SH2D5: variants seen among roughly 807,000 people sequenced by gnomAD.
SH2D5 encodes the protein SH2 domain-containing protein 5.
In SH2D5, 45 loss-of-function variants were observed where a neutral mutation model predicts 48.2. The observed-to-expected ratio is 0.93, with a 90% CI of 0.73 to 1.20. SH2D5 has a LOEUF of 1.20. SH2D5 is among the 50% of genes most tolerant of loss of function. The probability of loss-of-function intolerance (pLI) is 0.00; values close to 1 mark genes in which losing one functional copy is unlikely to be tolerated. For missense variants in SH2D5, 538 were observed against 584.1 expected, an observed-to-expected ratio of 0.92 and a Z score of 0.81; for synonymous variants, 230 against 249.8, an observed-to-expected ratio of 0.92 and a Z score of 0.75.
rs772382659 is a variant in SH2D5, at chr1:20,726,022, G to A, written c.288C>T (p.Thr96=). The change falls in exon 5 of 10, where the codon ACC becomes ACT. Residue 96 remains threonine (T), a synonymous_variant. Coordinates refer to ENST00000444387, the MANE Select transcript of SH2D5 (RefSeq NM_001103161.2). ...AHALRRILYS[T]WCPADCQFAF... The stretch of plus-strand genomic sequence containing the variant: ...CAAACTGGCAGTCGGCAGGGCACCA[G>A]GTGGAGTAGAGTATGCGCCTCAGGG... 3.7e-6 allele frequency: 6 copies of A among 1,611,676 alleles called. No individual in the cohort carries two copies. Among genetic ancestry groups the A allele is most frequent in the Non-Finnish European group, 1.7e-6 (2 of 1,179,288 alleles).
chr1:20,723,745 C>T lies in SH2D5; in HGVS notation c.800-11G>A, dbSNP rs1200109724. On this transcript the variant is annotated splice_polypyrimidine_tract_variant and intron_variant, in intron 7 of 9. Coordinates refer to ENST00000444387, the MANE Select transcript of SH2D5 (RefSeq NM_001103161.2). ...CCCATGCGGCAGGAACTGTGGAGAC[C>T]ATCCAGGAGTCAGAAGGAGAGTGGC... The T allele has an allele frequency of 6.2e-7, 1 of 1,607,368 alleles. No homozygotes were observed. The highest frequency in any genetic ancestry group is 8.5e-7 in the Non-Finnish European group (1 of 1,175,572).
At chr1:20,723,818 T>A (rs2054738374) in intron 7 of SH2D5, 84 bp from the exon 8 acceptor site, 2 of 1,196,928 alleles carry the variant, frequency 1.7e-6, no homozygotes, top group Non-Finnish European at 2.4e-6. Flanking sequence ...CCCAGGGTGG[T>A]GTCCTCCCCA....
chr1:20,723,781 C>T (rs757356999), intron 7 of SH2D5, 47 bp from the exon 8 acceptor site: 6 of 1,499,026 alleles, frequency 4.0e-6, no homozygotes, highest in African/African-American at 1.4e-5. Flanking sequence ...CGAGCCCTCC[C>T]ATTCCCTGCG....
intron 8 of SH2D5, 44 bp downstream of exon 8, chr1:20,723,582 C>T: frequency 6.7e-7 from 1 of 1,496,210 alleles, no homozygotes; most frequent in African/African-American, 1.4e-5. Flanking sequence ...TTTCTCTGCC[C>T]ACCCCAAGGG....
intron 7 of SH2D5, among the ~76,000 whole-genome samples, 160 bp from the exon 8 acceptor site, chr1:20,723,894 T>C (rs532617874): frequency 6.6e-6 from 1 of 152,330 alleles, no homozygotes; most frequent in South Asian, 2.1e-4. Context: ...TTCTGGTCCA[T>C]ACACGGCTGT....
At chr1:20,730,364 C>T (rs2054885602) in intron 1 of SH2D5, among the ~76,000 whole-genome samples, 1 of 151,054 alleles carries the variant, frequency 6.6e-6, no homozygotes, top group Non-Finnish European at 1.5e-5. Context: ...AGGAGCCGTG[C>T]GGGCATCTCA....
At position 20,729,340 on chromosome 1, in the gene SH2D5, C is replaced by T. The variant is rs1196243201; in HGVS notation, c.-42-1254G>A. Among the ~76,000 whole-genome samples, 3 of 152,214 alleles carry T rather than the reference C, an allele frequency of 2.0e-5. No individual in the cohort carries two copies. Reference sequence around the variant, plus strand: ...CTGGCTGGCTTCACTCACCAGCCTGCTTGTCATCACTGACTTGGGATCAGA... The same window carrying T: ...CTGGCTGGCTTCACTCACCAGCCTGTTTGTCATCACTGACTTGGGATCAGA... On this transcript the variant is annotated intron_variant, in intron 1 of 9. Coordinates refer to ENST00000444387, the MANE Select transcript of SH2D5 (RefSeq NM_001103161.2). This position sits in a 1 kb window ranked among gnomAD's most constrained non-coding sequence, Gnocchi z 4.2.
At chr1:20,727,152 A>G in intron 3 of SH2D5, 77 bp from the exon 4 acceptor site, 2 of 1,287,966 alleles carry the variant, frequency 1.6e-6, no homozygotes, top group Non-Finnish European at 2.2e-6. Context: ...AGGACCATCC[A>G]CCAAAGGCTG....
Position 20,724,601 on chromosome 1 carries a change from A to G in SH2D5, c.425T>C (p.Phe142Ser), listed in dbSNP as rs1210753803. Residue 142 changes from phenylalanine (F) to serine (S), a missense_variant, in exon 6 of 10, where the codon TTC becomes TCC. By Grantham distance (155) the Phe-to-Ser change is radical. Coordinates refer to ENST00000444387, the MANE Select transcript of SH2D5 (RefSeq NM_001103161.2). ...QILHLLLCRSFQLAYLLQHPE... is the reference protein window; with the variant it reads ...QILHLLLCRSSQLAYLLQHPE... The stretch of plus-strand genomic sequence containing the variant: ...GTGCTGCAAGAGGTAAGCCAGCTGG[A>G]AAGAGCGGCACAGCAGCAGGTGCAG... The G allele has an allele frequency of 6.3e-7, 1 of 1,588,286 alleles. No individual in the cohort carries two copies. The highest frequency in any genetic ancestry group is 1.7e-5 in the Admixed American group (1 of 57,330).
intron 7 of SH2D5, 110 bp from the exon 8 acceptor site, chr1:20,723,844 C>A: frequency 9.7e-7 from 1 of 1,027,074 alleles, no homozygotes; most frequent in Non-Finnish European, 1.4e-6. Flanking sequence ...CTCTACCCTG[C>A]TCAGCAGACA....
intron 3 of SH2D5, 57 bp from the exon 4 acceptor site, chr1:20,727,132 G>A: frequency 9.6e-6 from 14 of 1,463,982 alleles, no homozygotes; most frequent in Non-Finnish European, 1.3e-5. Flanking sequence ...GCCTTGGCCT[G>A]CCCAGCCTCA....
intron 5 of SH2D5, 97 bp downstream of exon 5, chr1:20,725,823 A>T: frequency 6.7e-7 from 1 of 1,485,108 alleles, no homozygotes; most frequent in Non-Finnish European, 9.1e-7. Context: ...GAGGGGGATC[A>T]GGCCGCCCTG....
In SH2D5 at chr1:20,728,484, G is replaced by A. The variant is rs1182241836; in HGVS notation, c.-42-398C>T. Among the ~76,000 whole-genome samples the A allele has an allele frequency of 6.6e-6, 1 of 152,162 alleles. No homozygotes were observed. The highest frequency in any genetic ancestry group is 2.4e-5 in the African/African-American group (1 of 41,428). ...GTCACTCAAAAACTCAGCAAGCACTGAGGATCCTGGTGTTCTGGGCTGGGG... is the reference window on the plus strand; with the variant it reads ...GTCACTCAAAAACTCAGCAAGCACTAAGGATCCTGGTGTTCTGGGCTGGGG... On this transcript the variant is annotated intron_variant, in intron 1 of 9. Coordinates refer to ENST00000444387, the MANE Select transcript of SH2D5 (RefSeq NM_001103161.2). The surrounding 1 kb of genome is among the most constrained non-coding windows in gnomAD (Gnocchi z 4.3).
At position 20,724,190 on chromosome 1, in the gene SH2D5, G is replaced by A. The variant is rs1378451617; in HGVS notation, c.692C>T (p.Ser231Leu). 7.4e-6 allele frequency: 12 copies of A among 1,612,866 alleles called. No individual in the cohort carries two copies. The highest frequency in any genetic ancestry group is 3.3e-5 in the Admixed American group (2 of 60,008). Reference protein sequence around the residue: ...RHARLGNPYCSPTLVRKKAIR... With the variant: ...RHARLGNPYCLPTLVRKKAIR... ...GGCCTTCTTGCGCACCAGCGTGGGC[G>A]AGCAGTAGGGATTCCCCAGGCGGGC... The change falls in exon 7 of 10, where the codon TCG becomes TTG. Residue 231 changes from serine to leucine, a missense_variant. Coordinates refer to ENST00000444387, the MANE Select transcript of SH2D5 (RefSeq NM_001103161.2).
rs2054659422 is a variant in SH2D5 at position 20,720,154 on chromosome 1, C to G, written c.*1638G>C. 1 of 152,224 alleles carries G rather than the reference C, an allele frequency of 6.6e-6. No homozygotes were observed. Among genetic ancestry groups the G allele is most frequent in the South Asian group, 2.1e-4 (1 of 4,824 alleles). 9.4% of individuals were successfully genotyped at this position (152,224 alleles called of 1,614,324 possible). ...TGAGGCTGGGGCCTCCCATAGAGACCAGTGGTTTGTCCAGGCTCCAGTACA... is the reference window on the plus strand; with the variant it reads ...TGAGGCTGGGGCCTCCCATAGAGACGAGTGGTTTGTCCAGGCTCCAGTACA... On this transcript the variant is annotated 3_prime_UTR_variant, in exon 10 of 10. Transcript: ENST00000444387.
Position 20,719,965 on chromosome 1 carries a change from A to T in SH2D5, c.*1827T>A, listed in dbSNP as rs572801070. The stretch of plus-strand genomic sequence containing the variant: ...CTTCAGTGTGCTAAACATGGCCCTG[A>T]TAGCTTCTCCACACAGGTAATTCAC... On this transcript the variant is annotated 3_prime_UTR_variant, in exon 10 of 10. Transcript: ENST00000444387. 123 of 152,316 alleles carry T rather than the reference A, an allele frequency of 8.1e-4. 1 individual carries two copies. The highest frequency in any genetic ancestry group is 2.6e-3 in the African/African-American group (110 of 41,548). The allele number at this position is 152,316 out of a possible 1,614,324, so 9.4% of individuals were successfully genotyped here. A position where few individuals can be genotyped will look rare whatever the true frequency, so the allele number is the denominator to read the frequency against.
rs534837198 is a variant in SH2D5 at position 20,728,100 on chromosome 1, G to A, written c.-42-14C>T. 5.4e-6 allele frequency: 7 copies of A among 1,297,248 alleles called. No homozygotes were observed. The highest frequency in any genetic ancestry group is 2.5e-5 in the East Asian group (1 of 39,558). The allele number at this position is 1,297,248 out of a possible 1,614,324, so 80.4% of individuals were successfully genotyped here. A position where few individuals can be genotyped will look rare whatever the true frequency, so the allele number is the denominator to read the frequency against. On this transcript the variant is annotated splice_polypyrimidine_tract_variant and intron_variant, in intron 1 of 9. Coordinates refer to ENST00000444387, the MANE Select transcript of SH2D5 (RefSeq NM_001103161.2). This position sits in a 1 kb window ranked among gnomAD's most constrained non-coding sequence, Gnocchi z 4.3. ...CGGGAGGGGAGGCTGCAAAGGGCAG[G>A]GGGGGAAGGGCTGCTTTCGAGGCAG...
In SH2D5 at chr1:20,721,556, C is replaced by T. The variant is rs1188706385; in HGVS notation, c.*236G>A. ...AAGCCACCCAAAGGGTTATCCGAAG[C>T]CTGCAACTCCACCTGCCCTCCTGGA... On this transcript the variant is annotated 3_prime_UTR_variant, in exon 10 of 10. Coordinates refer to ENST00000444387, the MANE Select transcript of SH2D5 (RefSeq NM_001103161.2). 2.1e-6 allele frequency: 1 copy of T among 472,166 alleles called. No individual in the cohort carries two copies. Among genetic ancestry groups the T allele is most frequent in the African/African-American group, 2.0e-5 (1 of 50,822 alleles). 29.2% of individuals were successfully genotyped at this position (472,166 alleles called of 1,614,324 possible).
chr1:20,725,525 T>C (rs1237094130), intron 5 of SH2D5, among the ~76,000 whole-genome samples: 1 of 152,158 alleles, frequency 6.6e-6, no homozygotes, highest in Non-Finnish European at 1.5e-5. Context: ...GTGCAGTTCA[T>C]GTCACAGGAC....
Sources: allele counts gnomAD v4.1 joint callset (sites outside exome capture counted in the v4.1 genomes callset), GRCh38; gene constraint gnomAD v4.1.1; non-coding constraint Gnocchi (gnomAD v3.1); transcripts MANE v1.5; gene names NCBI Gene and HGNC (gene_info 2026-07-23, HGNC 2026-07-21).